FCHO2: variants seen among roughly 807,000 people sequenced by gnomAD.
FCHO2 encodes the protein F-BAR domain only protein 2.
In FCHO2, 43 loss-of-function variants were observed where a neutral mutation model predicts 114.1. The ratio of observed to expected loss-of-function variants is 0.38; its 90% CI spans 0.30 to 0.49. FCHO2 has a LOEUF of 0.49. Among genes scored for constraint, FCHO2 ranks in the 20% least tolerant of loss-of-function variants. The pLI is 0.97. For missense variants in FCHO2, 807 were observed against 950.4 expected (o/e 0.85, Z 1.98); for synonymous variants, 293 against 315.2 (o/e 0.93, Z 0.75).
chr5:73,001,493 ATTAG>A (rs976357040), intron 5 of FCHO2, among the ~76,000 whole-genome samples: 4 of 146,584 alleles, frequency 2.7e-5, no homozygotes, highest in African/African-American at 5.0e-5. Flanking sequence ...AAATTTCTTT[ATTAG>A]TTAGTGCTTC....
At chr5:72,976,394 A>G (rs1344957603) in intron 2 of FCHO2, among the ~76,000 whole-genome samples, 2 of 151,970 alleles carry the variant, frequency 1.3e-5, no homozygotes, top group African/African-American at 4.8e-5. Context: ...GTTGTTGTCA[A>G]GATGTGGTCT....
intron 5 of FCHO2, among the ~76,000 whole-genome samples, chr5:73,006,017 G>C (rs748241218): frequency 1.1e-4 from 16 of 152,240 alleles, no homozygotes; most frequent in Middle Eastern, 3.4e-3. Flanking sequence ...ATATATGTAT[G>C]CTGTGGTGGA....
intron 10 of FCHO2, among the ~76,000 whole-genome samples, chr5:73,039,918 TA>T (rs76658928): frequency 0.12 from 17,611 of 141,274 alleles, 1,246 homozygotes; most frequent in Middle Eastern, 0.2. Flanking sequence ...GGTGACAGAG[TA>T]AGACTCTGTG....
At chr5:73,082,955 C>T in intron 24 of FCHO2, 130 bp downstream of exon 24, 2 of 697,960 alleles carry the variant, frequency 2.9e-6, no homozygotes, top group South Asian at 2.0e-5. Flanking sequence ...CTCACTGCAA[C>T]CTCCGCCTGC....
intron 24 of FCHO2, 67 bp downstream of exon 24, chr5:73,082,892 T>TA: frequency 3.1e-6 from 3 of 959,328 alleles, no homozygotes; most frequent in Non-Finnish European, 3.0e-6. Context: ...TTTTTTTTTT[T>TA]AAAACAGAGT....
At chr5:72,974,487 TG>T (rs1000008113) in intron 2 of FCHO2, among the ~76,000 whole-genome samples, 17 of 150,732 alleles carry the variant, frequency 1.1e-4, no homozygotes, top group Non-Finnish European at 1.3e-4. Flanking sequence ...TGATCTTTGT[TG>T]GTTTAAAGTC....
rs1002780852 is a variant in FCHO2 at position 73,085,996 on chromosome 5, C to A, written c.2246-1593C>A. ...AATTAGCCAGGCATGGTGGTGTGCG[C>A]CTGTAATCCCAGATACTCAGGAGGC... On this transcript the variant is annotated intron_variant, in intron 24 of 25. Coordinates refer to ENST00000430046, the MANE Select transcript of FCHO2 (RefSeq NM_138782.3). Among the ~76,000 whole-genome samples, 22 of 151,806 alleles carry A rather than the reference C, an allele frequency of 1.4e-4. No individual in the cohort carries two copies. In the East Asian group the frequency reaches 1.9e-3, roughly 13 times the overall value.
At chr5:73,031,800 C>A (rs997431447) in intron 8 of FCHO2, among the ~76,000 whole-genome samples, 6 of 152,068 alleles carry the variant, frequency 3.9e-5, no homozygotes, top group Non-Finnish European at 1.5e-5. Context: ...GGAGACAGAG[C>A]CAAAATGGTT....
intron 24 of FCHO2, among the ~76,000 whole-genome samples, chr5:73,084,238 T>C (rs1743217211): frequency 6.6e-6 from 1 of 152,064 alleles, no homozygotes. Context: ...ACTTTTCTGC[T>C]TGTTTTTTTA....
At chr5:73,044,323 C>T (rs928412094) in intron 11 of FCHO2, among the ~76,000 whole-genome samples, 4 of 152,144 alleles carry the variant, frequency 2.6e-5, no homozygotes, top group Non-Finnish European at 4.4e-5. Flanking sequence ...ACTTCAGCCT[C>T]GACCTCCCAG....
At chr5:73,063,738 A>G (rs930288116) in intron 17 of FCHO2, 103 bp from the exon 18 acceptor site, 3 of 989,532 alleles carry the variant, frequency 3.0e-6, no homozygotes, top group Non-Finnish European at 4.6e-6. Flanking sequence ...CTCCTGAAAA[A>G]TGAGCTTTGA....
At chr5:73,012,528 A>T (rs1755077106) in intron 6 of FCHO2, among the ~76,000 whole-genome samples, 1 of 150,822 alleles carries the variant, frequency 6.6e-6, no homozygotes, top group Admixed American at 6.7e-5. Context: ...CTGAGGCAGG[A>T]GAGTTGCTTG....
chr5:72,966,232 A>G (rs970081831), intron 1 of FCHO2, among the ~76,000 whole-genome samples: 2 of 152,220 alleles, frequency 1.3e-5, no homozygotes, highest in African/African-American at 4.8e-5. Flanking sequence ...TTTTTTAAAA[A>G]ACTGAATGCT....
At chr5:73,019,778 CCAGAG>C (rs1416934386) in intron 8 of FCHO2, among the ~76,000 whole-genome samples, 1 of 152,174 alleles carries the variant, frequency 6.6e-6, no homozygotes, top group Non-Finnish European at 1.5e-5. Context: ...AGGCATATTG[CCAGAG>C]CAGTCATTCT....
rs914859442 is a variant in FCHO2, at chr5:72,980,432, C to T, written c.126-8995C>T. Among the ~76,000 whole-genome samples, 14 of 152,052 alleles carry T rather than the reference C, an allele frequency of 9.2e-5. No homozygotes were observed. The South Asian group carries it at 1.2e-3, about 14-fold the overall frequency. ...AAGAATGTATATTCTGTTGATTTTGCGGGGAGGGTTCTGTAGATGTCTATT... is the reference window on the plus strand; with the variant it reads ...AAGAATGTATATTCTGTTGATTTTGTGGGGAGGGTTCTGTAGATGTCTATT... On this transcript the variant is annotated intron_variant, in intron 2 of 25. Transcript: ENST00000430046.
intron 5 of FCHO2, among the ~76,000 whole-genome samples, chr5:72,995,139 T>G (rs1158536242): frequency 6.6e-6 from 1 of 152,210 alleles, no homozygotes; most frequent in Non-Finnish European, 1.5e-5. Flanking sequence ...GGAAATGCTT[T>G]GTCAGTAAAC....
At chr5:72,977,860 C>T (rs1487817946) in intron 2 of FCHO2, among the ~76,000 whole-genome samples, 2 of 152,152 alleles carry the variant, frequency 1.3e-5, no homozygotes, top group Non-Finnish European at 2.9e-5. Context: ...TTCCCAACAC[C>T]ATTTATTAAA....
intron 8 of FCHO2, among the ~76,000 whole-genome samples, chr5:73,018,492 G>A (rs966769709): frequency 2.0e-5 from 3 of 151,316 alleles, no homozygotes; most frequent in African/African-American, 4.9e-5. Context: ...TAAGGATCTC[G>A]AGCTGACCAG....
intron 6 of FCHO2, among the ~76,000 whole-genome samples, chr5:73,008,875 C>T (rs1381040499): frequency 6.6e-6 from 1 of 152,104 alleles, no homozygotes; most frequent in Non-Finnish European, 1.5e-5. Flanking sequence ...TACTATATAT[C>T]TTTATTTAAA....
Sources: allele counts gnomAD v4.1 joint callset (sites outside exome capture counted in the v4.1 genomes callset), GRCh38; gene constraint gnomAD v4.1.1; transcripts MANE v1.5; gene names NCBI Gene and HGNC (gene_info 2026-07-23, HGNC 2026-07-21).